Variants in PCSK2 observed in about 807,000 individuals in gnomAD.
PCSK2 encodes proprotein convertase subtilisin/kexin type 2.
In PCSK2, 14 loss-of-function variants were observed where a neutral mutation model predicts 69.7. The observed-to-expected ratio is 0.20, with a 90% CI of 0.13 to 0.31. The LOEUF is 0.31. PCSK2 is among the 10% of genes least tolerant of loss of function. The pLI is 1.00. For synonymous variants in PCSK2, 307 were observed against 320.7 expected (o/e 0.96, Z 0.46); for missense variants, 544 against 842.5 (o/e 0.65, Z 4.39).
chr20:17,407,499 G>A (rs1302348115), intron 5 of PCSK2, among the ~76,000 whole-genome samples: 1 of 152,114 alleles, frequency 6.6e-6, no homozygotes, highest in Non-Finnish European at 1.5e-5. Flanking sequence ...TAAGAATGCT[G>A]TTATCTCTGA....
chr20:17,352,819 C>T (rs569800521), intron 2 of PCSK2, among the ~76,000 whole-genome samples: 39 of 152,236 alleles, frequency 2.6e-4, no homozygotes, highest in South Asian at 2.3e-3. Flanking sequence ...ACTCCAAAAG[C>T]AATCACAACA....
chr20:17,453,722 G>GTCTCCCCTGC lies in PCSK2; in HGVS notation c.886-12_886-3dup. On this transcript the variant is annotated intron_variant, in intron 8 of 11. Transcript: ENST00000262545. The surrounding 1 kb of genome is among the most constrained non-coding windows in gnomAD (Gnocchi z 4.0). ...AGCCCAGGCTGTGGGTAGCGGCAGC[G>GTCTCCCCTGC]TCTCCCCTGCTCTCCCCAGGGCCGC... The GTCTCCCCTGC allele has an allele frequency of 6.2e-7, 1 of 1,610,636 alleles. No homozygotes were observed. Among genetic ancestry groups the GTCTCCCCTGC allele is most frequent in the Non-Finnish European group, 8.5e-7 (1 of 1,179,292 alleles).
At chr20:17,233,628 C>T (rs1038165906) in intron 1 of PCSK2, among the ~76,000 whole-genome samples, 1 of 152,138 alleles carries the variant, frequency 6.6e-6, no homozygotes, top group Admixed American at 6.5e-5. Flanking sequence ...GTACAGTTAC[C>T]ATGAGAAAGC....
At chr20:17,230,876 T>C (rs1262336522) in intron 1 of PCSK2, among the ~76,000 whole-genome samples, 1 of 152,236 alleles carries the variant, frequency 6.6e-6, no homozygotes, top group Non-Finnish European at 1.5e-5. Context: ...GAAAAGGTTA[T>C]GGAGATTAAA....
intron 8 of PCSK2, among the ~76,000 whole-genome samples, chr20:17,444,263 G>A (rs766228721): frequency 8.5e-4 from 129 of 152,240 alleles, no homozygotes; most frequent in Non-Finnish European, 1.1e-3. Flanking sequence ...TGATTAAAAG[G>A]AAGAGAACAA....
rs544114098 is a variant in PCSK2 at position 17,414,034 on chromosome 20, T to A, written c.620+4695T>A. Among the ~76,000 whole-genome samples the A allele has an allele frequency of 5.9e-5, 9 of 152,186 alleles. No homozygotes were observed. The East Asian group carries it at 1.7e-3, about 29-fold the overall frequency. ...AATCTCTGGGACACATTTAAAGCAA[T>A]GTGTAGAGGGAAATTTATAGCACTA... On this transcript the variant is annotated intron_variant, in intron 6 of 11. Coordinates refer to ENST00000262545, the MANE Select transcript of PCSK2 (RefSeq NM_002594.5).
intron 5 of PCSK2, among the ~76,000 whole-genome samples, chr20:17,381,879 G>T (rs1199179433): frequency 1.3e-5 from 2 of 152,070 alleles, no homozygotes; most frequent in Non-Finnish European, 2.9e-5. Flanking sequence ...GGCCTGTGTG[G>T]TGACAGATGG....
At chr20:17,303,525 T>TTTA (rs1989213621) in intron 2 of PCSK2, among the ~76,000 whole-genome samples, 2 of 42,286 alleles carry the variant, frequency 4.7e-5, no homozygotes, top group African/African-American at 7.7e-5. Flanking sequence ...TAATATAATA[T>TTTA]ATATTATATT....
At chr20:17,310,149 C>G (rs1455295067) in intron 2 of PCSK2, among the ~76,000 whole-genome samples, 1 of 152,138 alleles carries the variant, frequency 6.6e-6, no homozygotes, top group Non-Finnish European at 1.5e-5. Flanking sequence ...AGAACTCACT[C>G]GCTATCATGA....
intron 1 of PCSK2, 92 bp from the exon 2 acceptor site, chr20:17,260,148 G>C (rs1437126547): frequency 1.3e-6 from 1 of 779,914 alleles, no homozygotes; most frequent in African/African-American, 1.7e-5. Flanking sequence ...CCTACCCCAT[G>C]GAGCCCCTGC....
At chr20:17,464,492 C>T (rs1479951864) in intron 10 of PCSK2, 1 of 152,114 alleles carries the variant, frequency 6.6e-6, no homozygotes, top group Admixed American at 6.5e-5. Context: ...TGGAACACAC[C>T]CACATGCCAG....
chr20:17,350,339 G>A (rs555289143), intron 2 of PCSK2, among the ~76,000 whole-genome samples: 72 of 151,398 alleles, frequency 4.8e-4, no homozygotes, highest in Non-Finnish European at 7.4e-4. Context: ...TAATAAACCA[G>A]TATTTTTAGC....
intron 2 of PCSK2, among the ~76,000 whole-genome samples, chr20:17,332,649 G>A (rs2123154312): frequency 6.6e-6 from 1 of 152,254 alleles, no homozygotes; most frequent in East Asian, 1.9e-4. Context: ...CTCTGAGAGT[G>A]GGGCCCAGCA....
chr20:17,244,521 A>T lies in PCSK2; in HGVS notation c.178-15719A>T, dbSNP rs542768874. Among the ~76,000 whole-genome samples the T allele has an allele frequency of 2.0e-5, 3 of 152,204 alleles. No homozygotes were observed. In the East Asian group the frequency reaches 5.8e-4, roughly 29 times the overall value. ...TTGAGATGTAGATAAGATCCACTCA[A>T]ATCCCCATAATGTACCCTGTAGAAG... On this transcript the variant is annotated intron_variant, in intron 1 of 11. Transcript: ENST00000262545.
In PCSK2 at chr20:17,330,325, G is replaced by A. The variant is rs553718164; in HGVS notation, c.283-28002G>A. Among the ~76,000 whole-genome samples, 7 of 152,244 alleles carry A rather than the reference G, an allele frequency of 4.6e-5. No homozygotes were observed. The South Asian group carries it at 1.5e-3, about 32-fold the overall frequency. On this transcript the variant is annotated intron_variant, in intron 2 of 11. Transcript: ENST00000262545. ...CTAAGAATTCTTGGCCGGGCACAGT[G>A]GCTCACACCTGTAATCCCAGCACTT...
chr20:17,298,910 G>A (rs1297028354), intron 2 of PCSK2, among the ~76,000 whole-genome samples: 4 of 151,898 alleles, frequency 2.6e-5, no homozygotes, highest in East Asian at 1.9e-4. Flanking sequence ...TTTGTTAATC[G>A]CCTGTCCTTA....
At position 17,360,336 on chromosome 20, in the gene PCSK2, CA is replaced by C. The variant is rs11087204; in HGVS notation, c.397-183del. ...AACAGAAAACACAAAGTGTTTATACCAAAAAAAAAAAAATGGAGAGGAAACA... is the reference window on the plus strand; with the variant it reads ...AACAGAAAACACAAAGTGTTTATACCAAAAAAAAAAAATGGAGAGGAAACA... On this transcript the variant is annotated intron_variant, in intron 3 of 11. Transcript: ENST00000262545. 5.3e-3 allele frequency among the ~76,000 whole-genome samples: 767 copies of C among 145,006 alleles called. 1 individual carries two copies. Among genetic ancestry groups the C allele is most frequent in the Admixed American group, 7.6e-3 (112 of 14,654 alleles).
chr20:17,456,264 A>T, intron 9 of PCSK2, 84 bp from the exon 10 acceptor site: 1 of 727,850 alleles, frequency 1.4e-6, no homozygotes, highest in Non-Finnish European at 2.5e-6. Context: ...AAATAAAAGG[A>T]GTAGATAATC....
chr20:17,390,313 C>T (rs1262504535), intron 5 of PCSK2, among the ~76,000 whole-genome samples: 1 of 152,218 alleles, frequency 6.6e-6, no homozygotes, highest in Non-Finnish European at 1.5e-5. Context: ...ACAGTGTCCA[C>T]TATCTTGATT....
Sources: allele counts gnomAD v4.1 joint callset (sites outside exome capture counted in the v4.1 genomes callset), GRCh38; gene constraint gnomAD v4.1.1; non-coding constraint Gnocchi (gnomAD v3.1); transcripts MANE v1.5; gene names NCBI Gene and HGNC (gene_info 2026-07-23, HGNC 2026-07-21).